Variants in SCN11A observed in about 807,000 individuals in gnomAD.
SCN11A encodes sodium voltage-gated channel alpha subunit 11.
In SCN11A, 122 loss-of-function variants were observed where a neutral mutation model predicts 162.2. The observed-to-expected ratio is 0.75, with a 90% confidence interval of 0.65 to 0.87. The LOEUF is 0.87. Ranked by LOEUF, SCN11A falls within the 40% of genes least tolerant of loss-of-function variation. The pLI is 0.00. For missense variants in SCN11A, 2,015 were observed against 2,181.6 expected (o/e 0.92, Z 1.52); for synonymous variants, 758 against 751.5 (o/e 1.01, Z -0.14).
At chr3:38,984,886 T>C (rs2030179046) in intron 2 of SCN11A, among the ~76,000 whole-genome samples, 1 of 151,914 alleles carries the variant, frequency 6.6e-6, no homozygotes, top group Non-Finnish European at 1.5e-5. Context: ...TAAGAGCAAA[T>C]GCAAAGACCT....
At chr3:38,848,433 T>C (rs759961133) in intron 29 of SCN11A, among the ~76,000 whole-genome samples, 1 of 152,118 alleles carries the variant, frequency 6.6e-6, no homozygotes, top group Non-Finnish European at 1.5e-5. Flanking sequence ...TGACCCCTAA[T>C]GACCTTGAGT....
intron 1 of SCN11A, among the ~76,000 whole-genome samples, chr3:39,039,973 C>T (rs539176889): frequency 6.6e-6 from 1 of 152,356 alleles, no homozygotes; most frequent in African/African-American, 2.4e-5. Flanking sequence ...ACCTAGCACA[C>T]ACCACCTCTG....
At chr3:38,856,681 C>A (rs1559489146) in intron 28 of SCN11A, among the ~76,000 whole-genome samples, 1 of 151,878 alleles carries the variant, frequency 6.6e-6, no homozygotes, top group Admixed American at 6.6e-5. Context: ...TGGCCTGAAG[C>A]CTGAATCATC....
intron 2 of SCN11A, among the ~76,000 whole-genome samples, chr3:38,982,806 C>T (rs962506175): frequency 6.6e-6 from 1 of 152,136 alleles, no homozygotes; most frequent in African/African-American, 2.4e-5. Flanking sequence ...GGATCCTGGG[C>T]TGTCATGTAA....
intron 2 of SCN11A, among the ~76,000 whole-genome samples, chr3:38,982,726 T>A (rs1575346435): frequency 1.3e-5 from 2 of 152,190 alleles, no homozygotes; most frequent in South Asian, 4.2e-4. Flanking sequence ...GTGACAATGG[T>A]GATGGCTCAA....
chr3:38,870,677 G>C lies in SCN11A; in HGVS notation c.3813+14C>G. On this transcript the variant is annotated intron_variant, in intron 26 of 29. Transcript: ENST00000302328. The stretch of plus-strand genomic sequence containing the variant: ...GACCATAACACTCCAGAACATGGTA[G>C]AACACTGACTCACCTCTGTGGAATC... 2.5e-6 allele frequency: 4 copies of C among 1,610,282 alleles called. No individual in the cohort carries two copies. The highest frequency in any genetic ancestry group is 1.7e-4 in the Middle Eastern group (1 of 6,036).
intron 2 of SCN11A, among the ~76,000 whole-genome samples, chr3:39,027,013 C>G (rs1221979154): frequency 1.3e-5 from 2 of 152,076 alleles, no homozygotes; most frequent in Non-Finnish European, 2.9e-5. Flanking sequence ...AGCTAACTTT[C>G]CTAGACAACT....
At chr3:38,865,954 G>C (rs1485617589) in intron 27 of SCN11A, among the ~76,000 whole-genome samples, 1 of 152,094 alleles carries the variant, frequency 6.6e-6, no homozygotes, top group Non-Finnish European at 1.5e-5. Flanking sequence ...TTCATATTCT[G>C]CAGAATAAGG....
intron 14 of SCN11A, 114 bp downstream of exon 14, chr3:38,907,835 G>A (rs982839944): frequency 6.3e-5 from 56 of 894,878 alleles, no homozygotes; most frequent in Admixed American, 3.1e-4. Context: ...ATGTGCAAAT[G>A]GATGAATGAA....
chr3:38,988,714 A>G (rs1238439958), intron 2 of SCN11A, among the ~76,000 whole-genome samples: 1 of 152,194 alleles, frequency 6.6e-6, no homozygotes, highest in East Asian at 1.9e-4. Flanking sequence ...AAGTGACAGG[A>G]GATATCTAAA....
intron 2 of SCN11A, among the ~76,000 whole-genome samples, chr3:38,999,457 C>T (rs1371503682): frequency 6.6e-6 from 1 of 152,208 alleles, no homozygotes; most frequent in East Asian, 1.9e-4. Context: ...AGGACCTCTC[C>T]TAACCCTTTG....
chr3:38,948,546 G>T (rs577480593), intron 5 of SCN11A, among the ~76,000 whole-genome samples: 1 of 152,322 alleles, frequency 6.6e-6, no homozygotes, highest in South Asian at 2.1e-4. Context: ...CTCACTGGCT[G>T]CTTGACCTGG....
At chr3:38,863,729 T>A (rs1003880506) in intron 27 of SCN11A, among the ~76,000 whole-genome samples, 4 of 151,938 alleles carry the variant, frequency 2.6e-5, no homozygotes, top group Middle Eastern at 3.4e-3. Flanking sequence ...CTGCATAAAA[T>A]CTGTTCAGAG....
chr3:38,947,796 G>C (rs2066540296), intron 5 of SCN11A, among the ~76,000 whole-genome samples: 1 of 152,196 alleles, frequency 6.6e-6, no homozygotes, highest in Admixed American at 6.5e-5. Context: ...CTGTAATCTA[G>C]CTGTCCCCAT....
intron 7 of SCN11A, among the ~76,000 whole-genome samples, chr3:38,938,494 C>T (rs577660286): frequency 1.4e-4 from 15 of 104,770 alleles, no homozygotes; most frequent in Non-Finnish European, 2.8e-4. Flanking sequence ...TAAAAGAAGG[C>T]AGAAGGAAAA....
At chr3:38,951,008 G>A (rs1188372906) in intron 4 of SCN11A, among the ~76,000 whole-genome samples, 1 of 152,242 alleles carries the variant, frequency 6.6e-6, no homozygotes, top group Non-Finnish European at 1.5e-5. Flanking sequence ...CACAGCCCTC[G>A]CTCGCTCTAG....
chr3:38,985,765 G>A (rs2030217715), intron 2 of SCN11A, among the ~76,000 whole-genome samples: 1 of 150,938 alleles, frequency 6.6e-6, no homozygotes, highest in Non-Finnish European at 1.5e-5. Context: ...TGCTGTGTAA[G>A]AAATGACCTC....
chr3:38,992,504 G>T (rs1445663030), intron 2 of SCN11A, among the ~76,000 whole-genome samples: 1 of 152,122 alleles, frequency 6.6e-6, no homozygotes, highest in African/African-American at 2.4e-5. Flanking sequence ...TGCCTTCCCC[G>T]CCTTGACAGT....
intron 9 of SCN11A, among the ~76,000 whole-genome samples, chr3:38,924,769 A>G (rs1170498359): frequency 6.6e-6 from 1 of 152,004 alleles, no homozygotes; most frequent in Admixed American, 6.6e-5. Context: ...TTGGCCTCCC[A>G]AAGTGCTAGA....
Sources: allele counts gnomAD v4.1 joint callset (sites outside exome capture counted in the v4.1 genomes callset), GRCh38; gene constraint gnomAD v4.1.1; transcripts MANE v1.5; gene names NCBI Gene and HGNC (gene_info 2026-07-23, HGNC 2026-07-21).